SLC16A2: variants seen among roughly 807,000 people sequenced by gnomAD.
The protein encoded by SLC16A2 is solute carrier family 16 member 2.
Under a neutral mutation model 27.2 loss-of-function variants are expected in SLC16A2, and 3 were observed. The observed-to-expected ratio is 0.11, with a 90% CI of 0.05 to 0.28. The LOEUF is 0.28. Among genes scored for constraint, SLC16A2 ranks in the 10% least tolerant of loss-of-function variants. The pLI, the probability that SLC16A2 is intolerant of heterozygous loss-of-function variation, is 1.00. For synonymous variants in SLC16A2, 202 were observed against 187.8 expected, an observed-to-expected ratio of 1.08 and a Z score of -0.62; for missense variants, 295 against 458.5, an observed-to-expected ratio of 0.64 and a Z score of 3.26.
At chrX:74,439,022 T>A (rs990470707) in intron 1 of SLC16A2, among the ~76,000 whole-genome samples, 4 of 111,310 alleles carry the variant, frequency 3.6e-5, no homozygotes, top group Non-Finnish European at 5.6e-5. Flanking sequence ...AAATAGTCAC[T>A]GGCCCATATG....
chrX:74,520,005 G>A (rs1049070792), intron 1 of SLC16A2, among the ~76,000 whole-genome samples: 5 of 111,538 alleles, frequency 4.5e-5, no homozygotes, highest in Non-Finnish European at 9.4e-5. Context: ...TTCCCAATGG[G>A]GAGCTGAGCA....
intron 1 of SLC16A2, among the ~76,000 whole-genome samples, chrX:74,477,311 G>A (rs1299320278): frequency 9.0e-6 from 1 of 111,470 alleles, no homozygotes; most frequent in East Asian, 2.8e-4. Flanking sequence ...TATTTCTGTG[G>A]GATCGGTGGT....
At chrX:74,470,675 G>A (rs1451773022) in intron 1 of SLC16A2, among the ~76,000 whole-genome samples, 5 of 111,687 alleles carry the variant, frequency 4.5e-5, no homozygotes, top group East Asian at 5.6e-4. Flanking sequence ...TGCCAGGCGC[G>A]GTGGCTAACA....
rs757990985 is a variant in SLC16A2, at chrX:74,421,645, T to A, written c.8T>A (p.Leu3Gln). 5 of 1,204,927 alleles carry A rather than the reference T, an allele frequency of 4.1e-6. No individual in the cohort carries two copies. In the South Asian group the frequency reaches 8.9e-5, roughly 21 times the overall value. ...CACAGTCCCCCCGCCGCGATGGCGC[T>A]GCAAAGCCAGGCGAGCGAGGAAGCA... MA[L>Q]QSQASEEAKG... is the part of the protein sequence containing the mutation. The change falls in exon 1 of 6, where the codon CTG (leucine) becomes CAG (glutamine). Residue 3 changes from leucine (L) to glutamine (Q), a missense_variant. Around this residue, in one of 3 missense-constraint regions of SLC16A2, gnomAD observed 92 missense variants for 85.1 expected, o/e 1.08. Coordinates refer to ENST00000587091, the MANE Select transcript of SLC16A2 (RefSeq NM_006517.5).
intron 1 of SLC16A2, among the ~76,000 whole-genome samples, chrX:74,437,428 T>A (rs780043226): frequency 8.9e-6 from 1 of 112,174 alleles, no homozygotes; most frequent in South Asian, 3.7e-4. Context: ...CAGTTCAGTG[T>A]TCCCGGAAAA....
chrX:74,441,797 G>C (rs1314501221), intron 1 of SLC16A2, among the ~76,000 whole-genome samples: 3 of 111,407 alleles, frequency 2.7e-5, no homozygotes, highest in Non-Finnish European at 5.7e-5. Flanking sequence ...AGTGTCCCCA[G>C]ACTGGGCAAT....
intron 1 of SLC16A2, among the ~76,000 whole-genome samples, chrX:74,511,281 G>C (rs1013036105): frequency 9.1e-6 from 1 of 110,264 alleles, no homozygotes; most frequent in South Asian, 3.9e-4. Flanking sequence ...TCCCAGGTTC[G>C]CGCCATTCTC....
At chrX:74,453,576 T>C (rs1928985033) in intron 1 of SLC16A2, among the ~76,000 whole-genome samples, 1 of 111,317 alleles carries the variant, frequency 9.0e-6, no homozygotes, top group Admixed American at 9.6e-5. Flanking sequence ...TTATTTTTTA[T>C]TTATTTATTT....
At chrX:74,467,617 C>T (rs1226144285) in intron 1 of SLC16A2, among the ~76,000 whole-genome samples, 1 of 111,903 alleles carries the variant, frequency 8.9e-6, no homozygotes. Flanking sequence ...GAACAAAGCC[C>T]TGAGGGAGGC....
chrX:74,465,330 C>A (rs1250019522), intron 1 of SLC16A2, among the ~76,000 whole-genome samples: 1 of 111,227 alleles, frequency 9.0e-6, no homozygotes, highest in Non-Finnish European at 1.9e-5. Context: ...AATGGGGAAC[C>A]AAGCACAAAA....
intron 1 of SLC16A2, among the ~76,000 whole-genome samples, chrX:74,425,980 C>T (rs1226964949): frequency 1.8e-5 from 2 of 111,698 alleles, no homozygotes; most frequent in African/African-American, 3.3e-5. Flanking sequence ...TGATGGTCCA[C>T]TCTGATGGAA....
At chrX:74,514,002 T>A (rs1349243618) in intron 1 of SLC16A2, among the ~76,000 whole-genome samples, 2 of 111,990 alleles carry the variant, frequency 1.8e-5, no homozygotes, top group Admixed American at 9.5e-5. Flanking sequence ...ACTTCATTTT[T>A]AAAAATATAC....
chrX:74,481,819 A>T (rs1929626418), intron 1 of SLC16A2, among the ~76,000 whole-genome samples: 1 of 107,739 alleles, frequency 9.3e-6, no homozygotes, highest in Admixed American at 1.0e-4. Context: ...ATGTTTTTAA[A>T]TTTTTTTATT....
intron 1 of SLC16A2, among the ~76,000 whole-genome samples, chrX:74,429,203 C>G (rs190123310): frequency 0.013 from 1,457 of 111,493 alleles, 22 homozygotes; most frequent in African/African-American, 0.046. Flanking sequence ...CCCAGTGGCT[C>G]AAGCCTGTAA....
chrX:74,435,782 A>T (rs569190695), intron 1 of SLC16A2, among the ~76,000 whole-genome samples: 8 of 109,440 alleles, frequency 7.3e-5, no homozygotes, highest in African/African-American at 2.3e-4. Flanking sequence ...GGACATAAAT[A>T]ATGCCTGCTG....
chrX:74,500,375 C>T (rs1037180217), intron 1 of SLC16A2, among the ~76,000 whole-genome samples: 3 of 111,403 alleles, frequency 2.7e-5, no homozygotes, highest in African/African-American at 6.5e-5. Context: ...GTGCTTATTG[C>T]AGAGCTATAT....
At chrX:74,426,122 T>G (rs1427280417) in intron 1 of SLC16A2, among the ~76,000 whole-genome samples, 3 of 112,043 alleles carry the variant, frequency 2.7e-5, no homozygotes, top group Non-Finnish European at 5.6e-5. Context: ...CATTGCTTGG[T>G]TCAGTGTCTC....
chrX:74,449,270 G>A (rs1928894397), intron 1 of SLC16A2, among the ~76,000 whole-genome samples: 1 of 111,824 alleles, frequency 8.9e-6, no homozygotes, highest in Admixed American at 9.5e-5. Context: ...TTCTGCACCT[G>A]TGCAATGAGT....
intron 1 of SLC16A2, among the ~76,000 whole-genome samples, chrX:74,447,159 C>T (rs1288653269): frequency 2.7e-5 from 3 of 112,159 alleles, no homozygotes; most frequent in African/African-American, 9.7e-5. Context: ...CTTTTGCCAC[C>T]CCTCAATAGG....
Sources: gnomAD v4.1 joint callset for allele counts (sites outside exome capture counted in the v4.1 genomes callset) on GRCh38, gnomAD v4.1.1 for gene constraint, gnomAD v4.1.1 regional missense constraint, MANE v1.5 for transcripts, NCBI Gene and HGNC (gene_info 2026-07-23, HGNC 2026-07-21) for gene names.